The following BCAT1 variants were observed in gnomAD, a reference collection of about 807,000 sequenced individuals.
The protein encoded by BCAT1 is branched chain amino acid transaminase 1.
Under a neutral mutation model 52.4 loss-of-function variants are expected in BCAT1, and 48 were observed. The observed-to-expected ratio is 0.92, with a 90% CI of 0.73 to 1.16. The LOEUF is 1.16. Among genes scored for constraint, BCAT1 ranks in the 50% most tolerant of loss-of-function variants. BCAT1 has a pLI of 0.00. For missense variants in BCAT1, 451 were observed against 457.1 expected (o/e 0.99, Z 0.12); for synonymous variants, 167 against 161.3 (o/e 1.04, Z -0.27).
At chr12:24,890,994 T>C (rs1323320080) in intron 3 of BCAT1, among the ~76,000 whole-genome samples, 1 of 152,220 alleles carries the variant, frequency 6.6e-6, no homozygotes, top group Non-Finnish European at 1.5e-5. Context: ...GAGAAATCCC[T>C]ACACCTTTGA....
At chr12:24,931,102 T>C (rs1943669874) in intron 1 of BCAT1, among the ~76,000 whole-genome samples, 1 of 151,810 alleles carries the variant, frequency 6.6e-6, no homozygotes, top group Admixed American at 6.6e-5. Flanking sequence ...CAGGGTTTCA[T>C]CATGTTGGCC....
chr12:24,889,422 A>G (rs1308301233), intron 3 of BCAT1, among the ~76,000 whole-genome samples: 1 of 152,180 alleles, frequency 6.6e-6, no homozygotes, highest in Non-Finnish European at 1.5e-5. Context: ...GCCGAACAAT[A>G]TTTCCAGTCC....
chr12:24,855,484 G>T (rs188433884), intron 5 of BCAT1, among the ~76,000 whole-genome samples: 1 of 152,082 alleles, frequency 6.6e-6, no homozygotes, highest in Non-Finnish European at 1.5e-5. Context: ...AGGTTCAAGC[G>T]ATTCTCCTGC....
In BCAT1 at chr12:24,817,958, T is replaced by C. The variant is rs758002462; in HGVS notation, c.*50A>G. 1.9e-6 allele frequency: 3 copies of C among 1,561,430 alleles called. No individual in the cohort carries two copies. Among genetic ancestry groups the C allele is most frequent in the East Asian group, 2.2e-5 (1 of 44,560 alleles). ...ATTCAAATGCAACAGTCTGTCCCAG[T>C]AGCATACAGTTGGTATCCTCTATTT... On this transcript the variant is annotated 3_prime_UTR_variant, in exon 11 of 11. Transcript: ENST00000261192.
At chr12:24,850,185 AAGCT>A (rs1358236372) in intron 5 of BCAT1, among the ~76,000 whole-genome samples, 2 of 152,212 alleles carry the variant, frequency 1.3e-5, no homozygotes, top group Non-Finnish European at 2.9e-5. Context: ...TTTAGCAAAA[AAGCT>A]AGATTTGTCC....
At chr12:24,927,328 G>GAAAA (rs1459359454) in intron 1 of BCAT1, among the ~76,000 whole-genome samples, 3 of 151,702 alleles carry the variant, frequency 2.0e-5, no homozygotes, top group Admixed American at 1.3e-4. Flanking sequence ...GAAAAGAAAA[G>GAAAA]AAAAGAAAAA....
In BCAT1 at chr12:24,849,861, T is replaced by C; in HGVS notation, c.599A>G (p.Asn200Ser). The change falls in exon 6 of 11, where the codon AAT (asparagine) becomes AGT (serine). Residue 200 changes from asparagine to serine, a missense_variant. Asn to Ser is a conservative substitution (Grantham distance 46). Transcript: ENST00000261192. ...VGPYFSSGTF[N>S]PVSLWANPKY... ...GGGATTGGCCCACAGGGACACTGGA[T>C]TAAAGGTTCCACTTGAAAAATAAGG... 1 of 1,613,832 alleles carries C rather than the reference T, an allele frequency of 6.2e-7. No homozygotes were observed. Among genetic ancestry groups the C allele is most frequent in the Non-Finnish European group, 8.5e-7 (1 of 1,179,806 alleles).
At chr12:24,943,932 C>T (rs770225870) in intron 1 of BCAT1, among the ~76,000 whole-genome samples, 2 of 151,356 alleles carry the variant, frequency 1.3e-5, no homozygotes, top group Non-Finnish European at 1.5e-5. Context: ...TGCAGTGAGC[C>T]GAGATCGCAC....
chr12:24,818,705 T>G (rs1216804991), intron 10 of BCAT1, among the ~76,000 whole-genome samples: 1 of 152,248 alleles, frequency 6.6e-6, no homozygotes, highest in Non-Finnish European at 1.5e-5. Flanking sequence ...GCATTTTTCT[T>G]ATTTCTTCAA....
chr12:24,920,097 C>T (rs1259374894), intron 1 of BCAT1, among the ~76,000 whole-genome samples: 5 of 152,138 alleles, frequency 3.3e-5, no homozygotes, highest in Non-Finnish European at 5.9e-5. Flanking sequence ...TTCCATTTCT[C>T]TATCTGTAAA....
intron 1 of BCAT1, among the ~76,000 whole-genome samples, chr12:24,942,623 C>T (rs977726507): frequency 5.9e-5 from 9 of 151,876 alleles, no homozygotes; most frequent in South Asian, 2.1e-4. Flanking sequence ...GGTGGAGTCA[C>T]CTGCAAAGAA....
chr12:24,924,064 A>G (rs923533970), intron 1 of BCAT1, among the ~76,000 whole-genome samples: 1 of 152,198 alleles, frequency 6.6e-6, no homozygotes, highest in African/African-American at 2.4e-5. Flanking sequence ...TCAACCGATT[A>G]TGTCGATAAT....
chr12:24,894,530 T>A, intron 2 of BCAT1, 55 bp from the exon 3 acceptor site: 1 of 1,416,316 alleles, frequency 7.1e-7, no homozygotes, highest in Non-Finnish European at 9.6e-7. Context: ...ATTCGCTGGC[T>A]AGATTATACA....
chr12:24,943,774 G>A (rs1943887506), intron 1 of BCAT1, among the ~76,000 whole-genome samples: 1 of 152,048 alleles, frequency 6.6e-6, no homozygotes, highest in Non-Finnish European at 1.5e-5. Flanking sequence ...CACGAGGTCA[G>A]GAGATCAAGA....
chr12:24,930,557 A>C (rs1943661477), intron 1 of BCAT1, among the ~76,000 whole-genome samples: 1 of 152,236 alleles, frequency 6.6e-6, no homozygotes, highest in Non-Finnish European at 1.5e-5. Context: ...CGCAAGCTAC[A>C]GATCCTCTAG....
chr12:24,840,933 T>G lies in BCAT1; in HGVS notation c.817+1149A>C, dbSNP rs146954348. Among the ~76,000 whole-genome samples, 1,107 of 152,310 alleles carry G rather than the reference T, an allele frequency of 7.3e-3. 10 individuals are homozygous for G. Among genetic ancestry groups the G allele is most frequent in the Middle Eastern group, 0.051 (15 of 294 alleles). ...CTAAGAATGTAAACAAGTCTAAAAA[T>G]ACGCTTCTAAATTTGGTATGATTAT... On this transcript the variant is annotated intron_variant, in intron 7 of 10. Coordinates refer to ENST00000261192, the MANE Select transcript of BCAT1 (RefSeq NM_005504.7).
In BCAT1 at chr12:24,832,935, G is replaced by C. The variant is rs993456299; in HGVS notation, c.904-72C>G. The C allele has an allele frequency of 2.8e-6, 4 of 1,419,474 alleles. No homozygotes were observed. In the South Asian group the frequency reaches 5.5e-5, roughly 20 times the overall value. 87.9% of individuals were successfully genotyped at this position (1,419,474 alleles called of 1,614,324 possible). On this transcript the variant is annotated intron_variant, in intron 8 of 10. Coordinates refer to ENST00000261192, the MANE Select transcript of BCAT1 (RefSeq NM_005504.7). ...ATGCAAAACAATTGCAATACTTACT[G>C]TTCTGCTTAACATTCTGATTGCACT...
In BCAT1 at chr12:24,906,052, G is replaced by A. The variant is rs150431671; in HGVS notation, c.7-4167C>T. 1.9e-4 allele frequency among the ~76,000 whole-genome samples: 29 copies of A among 151,704 alleles called. 1 individual carries two copies. Among genetic ancestry groups the A allele is most frequent in the African/African-American group, 6.3e-4 (26 of 41,320 alleles). ...AAAAATACAAAAATTAGCCGGGCTC[G>A]GTGGCATGTGCCTGTAGTCCCAGCT... is the stretch of plus-strand genomic sequence containing the variant. On this transcript the variant is annotated intron_variant, in intron 1 of 10. Transcript: ENST00000261192.
intron 1 of BCAT1, among the ~76,000 whole-genome samples, chr12:24,918,009 A>C (rs1943444925): frequency 6.6e-6 from 1 of 152,240 alleles, no homozygotes; most frequent in Admixed American, 6.5e-5. Flanking sequence ...ATAAGGTACA[A>C]GATGGTGCTA....
Sources: allele counts gnomAD v4.1 joint callset (sites outside exome capture counted in the v4.1 genomes callset), GRCh38; gene constraint gnomAD v4.1.1; transcripts MANE v1.5; gene names NCBI Gene and HGNC (gene_info 2026-07-23, HGNC 2026-07-21).